The following STRBP variants were observed in gnomAD, a reference collection of about 807,000 sequenced individuals.
The protein encoded by STRBP is spermatid perinuclear RNA-binding protein.
STRBP carries 13 observed loss-of-function variants against 80.1 expected under a neutral mutation model. The observed-to-expected ratio is 0.16, with a 90% CI of 0.11 to 0.26. STRBP has a LOEUF of 0.26. Ranked by LOEUF, STRBP falls within the 10% of genes least tolerant of loss-of-function variation. The pLI is 1.00. For synonymous variants in STRBP, 284 were observed against 291.2 expected (o/e 0.98, Z 0.25); for missense variants, 485 against 815.2 (o/e 0.59, Z 4.93).
rs748751536 is a variant in STRBP at position 123,125,574 on chromosome 9, T to A, written c.*23A>T. ...TGTGTTGTACTGTATTGTTGTTCAA[T>A]AGGAATTAGCTTCTGTCATTTGCTA... On this transcript the variant is annotated 3_prime_UTR_variant, in exon 19 of 19. Transcript: ENST00000348403. The A allele has an allele frequency of 6.2e-7, 1 of 1,609,746 alleles. No individual in the cohort carries two copies. Among genetic ancestry groups the A allele is most frequent in the East Asian group, 2.2e-5 (1 of 44,768 alleles).
Position 123,123,702 on chromosome 9 carries a change from C to T in STRBP, c.*1895G>A, listed in dbSNP as rs1293015834. ...ATATCTAGAGATTCCAACGTGGAAT[C>T]CAAATTTGATGACCAATTTCAAATA... On this transcript the variant is annotated 3_prime_UTR_variant, in exon 19 of 19. Coordinates refer to ENST00000348403, the MANE Select transcript of STRBP (RefSeq NM_018387.5). 1 of 985,242 alleles carries T rather than the reference C, an allele frequency of 1.0e-6. No individual in the cohort carries two copies. The highest frequency in any genetic ancestry group is 1.7e-5 in the African/African-American group (1 of 57,222). 61.0% of individuals were successfully genotyped at this position (985,242 alleles called of 1,614,324 possible).
chr9:123,254,592 G>A (rs538655652), intron 1 of STRBP, among the ~76,000 whole-genome samples: 248 of 152,060 alleles, frequency 1.6e-3, no homozygotes, highest in African/African-American at 5.8e-3. Flanking sequence ...AAAGGATCTC[G>A]CAGGTTTCTC....
At chr9:123,226,363 A>G (rs2040236633) in intron 2 of STRBP, among the ~76,000 whole-genome samples, 1 of 152,238 alleles carries the variant, frequency 6.6e-6, no homozygotes, top group South Asian at 2.1e-4. Context: ...CTATATTCAA[A>G]GTATACGTCA....
intron 6 of STRBP, among the ~76,000 whole-genome samples, chr9:123,165,729 A>G (rs1564256130): frequency 6.6e-6 from 1 of 152,228 alleles, no homozygotes; most frequent in African/African-American, 2.4e-5. Flanking sequence ...CTCATGCAGT[A>G]ATCCTAGACA....
intron 4 of STRBP, among the ~76,000 whole-genome samples, chr9:123,176,661 T>C (rs1388416466): frequency 6.6e-6 from 1 of 152,204 alleles, no homozygotes; most frequent in Non-Finnish European, 1.5e-5. Flanking sequence ...AGCTCAGTTA[T>C]TAAATTCTAA....
At chr9:123,202,958 G>A (rs2039380571) in intron 2 of STRBP, among the ~76,000 whole-genome samples, 1 of 152,042 alleles carries the variant, frequency 6.6e-6, no homozygotes, top group African/African-American at 2.4e-5. Context: ...CTCTCACTTG[G>A]ATTATACATT....
At chr9:123,220,862 C>G (rs1437318870) in intron 2 of STRBP, among the ~76,000 whole-genome samples, 1 of 152,080 alleles carries the variant, frequency 6.6e-6, no homozygotes, top group Non-Finnish European at 1.5e-5. Context: ...AAGTGACTTC[C>G]AAGTTGCAGA....
intron 2 of STRBP, among the ~76,000 whole-genome samples, chr9:123,211,529 C>A (rs1206064695): frequency 1.3e-5 from 2 of 152,006 alleles, no homozygotes; most frequent in Non-Finnish European, 2.9e-5. Context: ...GTGCTTATTG[C>A]AGGCCAATGA....
intron 14 of STRBP, among the ~76,000 whole-genome samples, chr9:123,138,128 GAAAC>G (rs2036438410): frequency 6.6e-6 from 1 of 152,074 alleles, no homozygotes. Flanking sequence ...ACAATATACA[GAAAC>G]AAAGTATAAA....
chr9:123,190,722 A>C (rs2038893936), intron 2 of STRBP, among the ~76,000 whole-genome samples: 1 of 152,234 alleles, frequency 6.6e-6, no homozygotes, highest in Non-Finnish European at 1.5e-5. Flanking sequence ...ATACTGAATG[A>C]GCCAGCTAAG....
At chr9:123,210,442 T>C (rs1246309730) in intron 2 of STRBP, among the ~76,000 whole-genome samples, 4 of 124,268 alleles carry the variant, frequency 3.2e-5, no homozygotes, top group African/African-American at 1.2e-4. Context: ...AATCCAGGAG[T>C]AGGATAAGAA....
At chr9:123,167,923 G>C (rs1564258701) in intron 6 of STRBP, among the ~76,000 whole-genome samples, 1 of 151,780 alleles carries the variant, frequency 6.6e-6, no homozygotes, top group Non-Finnish European at 1.5e-5. Context: ...AAGTTTAAAG[G>C]TATCACTGAA....
intron 9 of STRBP, 84 bp from the exon 10 acceptor site, chr9:123,158,513 G>A (rs1024357189): frequency 3.3e-5 from 39 of 1,180,772 alleles, no homozygotes; most frequent in Non-Finnish European, 4.4e-5. Flanking sequence ...TGGCTGGGGA[G>A]AATGAAGAGA....
chr9:123,261,636 G>A (rs905825917), intron 1 of STRBP, among the ~76,000 whole-genome samples: 8 of 152,160 alleles, frequency 5.3e-5, no homozygotes, highest in Non-Finnish European at 8.8e-5. Context: ...TTAAGATACC[G>A]TATTTTTAAA....
intron 1 of STRBP, among the ~76,000 whole-genome samples, chr9:123,255,355 C>A (rs1478890158): frequency 6.6e-6 from 1 of 152,208 alleles, no homozygotes; most frequent in Non-Finnish European, 1.5e-5. Context: ...AGCATGCAAA[C>A]CTTTTAATTC....
At position 123,195,951 on chromosome 9, in the gene STRBP, T is replaced by C. The variant is rs569672422; in HGVS notation, c.-164-11653A>G. Among the ~76,000 whole-genome samples the C allele has an allele frequency of 1.0e-3, 156 of 152,292 alleles. 7 individuals carry two copies. In the South Asian group the frequency reaches 0.032, roughly 31 times the overall value. On this transcript the variant is annotated intron_variant, in intron 2 of 18. Transcript: ENST00000348403. ...AATTACATTATCTGACTTCAAATTATATGACAGAGCTGTTGTAACAAAAAC... is the reference window on the plus strand; with the variant it reads ...AATTACATTATCTGACTTCAAATTACATGACAGAGCTGTTGTAACAAAAAC...
At chr9:123,111,561 G>C (rs1019481542) in intron 3 of STRBP, 4 of 474,994 alleles carry the variant, frequency 8.4e-6, no homozygotes, top group African/African-American at 5.9e-5. Context: ...GGGCTGGCCT[G>C]AGCAAGGCTC....
chr9:123,115,453 T>C lies in STRBP; in HGVS notation c.*84+476A>G. 2.2e-6 allele frequency: 1 copy of C among 462,338 alleles called. No individual in the cohort carries two copies. The highest frequency in any genetic ancestry group is 4.5e-6 in the Non-Finnish European group (1 of 221,566). The allele number at this position is 462,338 out of a possible 1,614,324, so 28.6% of individuals were successfully genotyped here. A position where few individuals can be genotyped will look rare whatever the true frequency, so the allele number is the denominator to read the frequency against. On this transcript the variant is annotated intron_variant and NMD_transcript_variant, in intron 3 of 3. Coordinates refer to the STRBP transcript ENST00000471564. This position sits in a 1 kb window ranked among gnomAD's most constrained non-coding sequence, Gnocchi z 5.0. ...TTTCTCCCTGCACAGAGGAGGACTC[T>C]CATTCTGTTCAAATCCTCTGCACCT...
intron 2 of STRBP, among the ~76,000 whole-genome samples, chr9:123,116,520 T>C (rs1208884036): frequency 6.6e-6 from 1 of 152,166 alleles, no homozygotes; most frequent in African/African-American, 2.4e-5. Flanking sequence ...CCTTGCCCAG[T>C]AGCACACTAA....
Sources: gnomAD v4.1 joint callset for allele counts (sites outside exome capture counted in the v4.1 genomes callset) on GRCh38, gnomAD v4.1.1 for gene constraint, Gnocchi (gnomAD v3.1) non-coding constraint, MANE v1.5 for transcripts, NCBI Gene and HGNC (gene_info 2026-07-23, HGNC 2026-07-21) for gene names.